LHFPL3: variants seen among roughly 807,000 people sequenced by gnomAD.
The protein encoded by LHFPL3 is LHFPL tetraspan subfamily member 3, also known as LHFPL tetraspan subfamily member 3 protein.
In LHFPL3, 5 loss-of-function variants were observed where a neutral mutation model predicts 19.3. The observed-to-expected ratio is 0.26, with a 90% CI of 0.14 to 0.54. The LOEUF (loss-of-function observed/expected upper bound fraction) is 0.54. Ranked by LOEUF, LHFPL3 falls within the 20% of genes least tolerant of loss-of-function variation. The pLI is 0.94. For missense variants in LHFPL3, 249 were observed against 307.4 expected (o/e 0.81, Z 1.42); for synonymous variants, 133 against 126.2 (o/e 1.05, Z -0.36).
chr7:104,726,767 A>G (rs1793599474), intron 1 of LHFPL3, among the ~76,000 whole-genome samples: 1 of 152,144 alleles, frequency 6.6e-6, no homozygotes, highest in Non-Finnish European at 1.5e-5. Flanking sequence ...TGTCTTCGCT[A>G]TTGTGAACAG....
At chr7:104,725,655 A>T (rs1283051532) in intron 1 of LHFPL3, among the ~76,000 whole-genome samples, 1 of 152,202 alleles carries the variant, frequency 6.6e-6, no homozygotes, top group Admixed American at 6.5e-5. Context: ...TTATCACTAG[A>T]CAATGCCTTA....
intron 1 of LHFPL3, among the ~76,000 whole-genome samples, chr7:104,557,219 T>G (rs1157267337): frequency 6.6e-6 from 1 of 152,184 alleles, no homozygotes; most frequent in Non-Finnish European, 1.5e-5. Flanking sequence ...ACTCTACTGG[T>G]ACCAATTTAC....
chr7:104,503,640 G>C (rs955841534), intron 1 of LHFPL3, among the ~76,000 whole-genome samples: 1 of 152,042 alleles, frequency 6.6e-6, no homozygotes, highest in African/African-American at 2.4e-5. Context: ...CATGATCTTG[G>C]CTCACTGCAG....
Position 104,656,710 on chromosome 7 carries a change from C to T in LHFPL3, c.446-79965C>T, listed in dbSNP as rs546827171. 7.2e-5 allele frequency among the ~76,000 whole-genome samples: 11 copies of T among 152,350 alleles called. No individual in the cohort carries two copies. The South Asian group carries it at 1.9e-3, about 26-fold the overall frequency. On this transcript the variant is annotated intron_variant, in intron 1 of 2. Transcript: ENST00000424859. ...CTGTCTTCACAGCATTCCCCTTCCA[C>T]CTCTCCAGAATTCTCCAGGACCTGA...
intron 1 of LHFPL3, among the ~76,000 whole-genome samples, chr7:104,397,968 A>G (rs1306033792): frequency 2.0e-5 from 3 of 152,194 alleles, no homozygotes. Context: ...CATGATAGAC[A>G]GGGTGAACCT....
chr7:104,534,555 T>C (rs935094468), intron 1 of LHFPL3, among the ~76,000 whole-genome samples: 2 of 152,092 alleles, frequency 1.3e-5, no homozygotes, highest in African/African-American at 4.8e-5. Context: ...GAACCAGAGG[T>C]GTTTTTGAGG....
rs537277257 is a variant in LHFPL3 at position 104,779,782 on chromosome 7, G to T, written c.682+42871G>T. On this transcript the variant is annotated intron_variant, in intron 2 of 2. Coordinates refer to ENST00000424859, the MANE Select transcript of LHFPL3 (RefSeq NM_199000.3). ...GAACATGATAGAACTTGATGGAGAT[G>T]CAGGTCTGACTCGACCATAATCCAT... Among the ~76,000 whole-genome samples, 4 of 152,340 alleles carry T rather than the reference G, an allele frequency of 2.6e-5. No homozygotes were observed. In the East Asian group the frequency reaches 5.8e-4, roughly 22 times the overall value.
intron 1 of LHFPL3, among the ~76,000 whole-genome samples, chr7:104,357,713 C>G (rs1790306678): frequency 6.6e-6 from 1 of 152,156 alleles, no homozygotes; most frequent in Non-Finnish European, 1.5e-5. Flanking sequence ...CTGGAACACT[C>G]AGGCATGGGT....
chr7:104,904,117 C>G (rs142782031), intron 2 of LHFPL3, among the ~76,000 whole-genome samples: 32 of 152,274 alleles, frequency 2.1e-4, no homozygotes, highest in African/African-American at 7.5e-4. Context: ...TCATTATAGA[C>G]TAATCATCAT....
At chr7:104,885,648 C>A (rs888795951) in intron 2 of LHFPL3, among the ~76,000 whole-genome samples, 2 of 152,118 alleles carry the variant, frequency 1.3e-5, no homozygotes, top group African/African-American at 2.4e-5. Flanking sequence ...TCCAAGCCAC[C>A]ACTGCCTCTC....
intron 1 of LHFPL3, among the ~76,000 whole-genome samples, chr7:104,403,172 A>G (rs1791349206): frequency 6.6e-6 from 1 of 152,238 alleles, no homozygotes; most frequent in Non-Finnish European, 1.5e-5. Context: ...TCACACATGT[A>G]TCCCAGAACT....
At chr7:104,470,303 T>A (rs1792881928) in intron 1 of LHFPL3, among the ~76,000 whole-genome samples, 1 of 152,242 alleles carries the variant, frequency 6.6e-6, no homozygotes, top group Non-Finnish European at 1.5e-5. Flanking sequence ...TTTGAGAAAA[T>A]GAGCTATGTC....
chr7:104,894,918 G>C (rs1056576830), intron 2 of LHFPL3: 4 of 152,138 alleles, frequency 2.6e-5, no homozygotes, highest in Admixed American at 2.0e-4. Context: ...CCAAAGTCCA[G>C]GTGCTAATAA....
chr7:104,733,419 A>C (rs930523704), intron 1 of LHFPL3, among the ~76,000 whole-genome samples: 3 of 152,216 alleles, frequency 2.0e-5, no homozygotes, highest in African/African-American at 7.2e-5. Context: ...TATTGGGTGC[A>C]TATATATTTA....
intron 1 of LHFPL3, among the ~76,000 whole-genome samples, chr7:104,416,260 G>A (rs184591553): frequency 2.0e-5 from 3 of 152,256 alleles, no homozygotes; most frequent in East Asian, 3.9e-4. Flanking sequence ...AGCTAGAAGA[G>A]GCAAGGAATG....
At chr7:104,661,191 G>C (rs1042176146) in intron 1 of LHFPL3, among the ~76,000 whole-genome samples, 11 of 152,190 alleles carry the variant, frequency 7.2e-5, no homozygotes, top group African/African-American at 2.7e-4. Flanking sequence ...GTTCTCAAGA[G>C]GTGGCAATGG....
At chr7:104,441,184 ACTC>A (rs1484314527) in intron 1 of LHFPL3, among the ~76,000 whole-genome samples, 3 of 151,704 alleles carry the variant, frequency 2.0e-5, no homozygotes, top group Non-Finnish European at 4.4e-5. Flanking sequence ...CCGTTGAACA[ACTC>A]CTCTCATTTT....
chr7:104,404,400 A>T (rs1213440698), intron 1 of LHFPL3, among the ~76,000 whole-genome samples: 4 of 152,240 alleles, frequency 2.6e-5, no homozygotes, highest in Admixed American at 6.5e-5. Flanking sequence ...AATATTTTTT[A>T]AAAACTGCTT....
intron 1 of LHFPL3, among the ~76,000 whole-genome samples, chr7:104,408,864 CTT>C (rs561975535): frequency 1.4e-4 from 15 of 105,430 alleles, no homozygotes; most frequent in Non-Finnish European, 2.2e-4. Context: ...AATTTTCTTT[CTT>C]TTTTTTTTTT....
Sources: gnomAD v4.1 joint callset for allele counts (sites outside exome capture counted in the v4.1 genomes callset) on GRCh38, gnomAD v4.1.1 for gene constraint, MANE v1.5 for transcripts, NCBI Gene and HGNC (gene_info 2026-07-23, HGNC 2026-07-21) for gene names.